Variants in STX1B observed in about 807,000 individuals in gnomAD.
STX1B encodes syntaxin 1B, also known as syntaxin-1B.
STX1B carries 7 observed loss-of-function variants against 39.4 expected under a neutral mutation model. The ratio of observed to expected loss-of-function variants is 0.18; its 90% CI spans 0.10 to 0.33. The LOEUF (loss-of-function observed/expected upper bound fraction) is 0.33, where lower values mean the gene tolerates loss of function less well. Among genes scored for constraint, STX1B ranks in the 10% least tolerant of loss-of-function variants. The pLI is 1.00. For synonymous variants in STX1B, 136 were observed against 144.1 expected (o/e 0.94, Z 0.40); for missense variants, 198 against 383.2 (o/e 0.52, Z 4.04).
intron 7 of STX1B, among the ~76,000 whole-genome samples, chr16:30,995,292 C>G (rs1282908710): frequency 6.6e-6 from 1 of 151,754 alleles, no homozygotes; most frequent in Non-Finnish European, 1.5e-5. Flanking sequence ...AATGCGTTTT[C>G]AACAAAGATC....
chr16:30,993,366 G>C lies in STX1B; in HGVS notation c.656C>G (p.Ala219Gly). 1 of 1,614,176 alleles carries C rather than the reference G, an allele frequency of 6.2e-7. No individual in the cohort carries two copies. ...RELHDMFVDM[A>G]MLVESQGEMI... is the part of the protein sequence containing the mutation. ...CAGTACCTGGCTCTCTACGAGCATG[G>C]CCATGTCCACAAACATATCGTGCAG... The change falls in exon 8 of 10, where the codon GCC becomes GGC. Residue 219 changes from alanine (A) to glycine (G), a missense_variant. Ala to Gly is a moderately conservative substitution (Grantham distance 60). Transcript: ENST00000215095.
chr16:30,999,899 G>C (rs1237964183), intron 4 of STX1B, among the ~76,000 whole-genome samples: 1 of 152,200 alleles, frequency 6.6e-6, no homozygotes, highest in African/African-American at 2.4e-5. Context: ...AAGGGGGAAA[G>C]CTGGGGTTTT....
intron 8 of STX1B, 37 bp downstream of exon 8, chr16:30,993,310 G>A: frequency 8.7e-6 from 14 of 1,613,628 alleles, no homozygotes; most frequent in Non-Finnish European, 1.2e-5. Context: ...CAGGCCCAGG[G>A]AGGCTCCCAG....
chr16:31,002,983 C>G (rs943247080), intron 1 of STX1B, among the ~76,000 whole-genome samples: 2 of 152,158 alleles, frequency 1.3e-5, no homozygotes, highest in South Asian at 2.1e-4. Flanking sequence ...GAGGCTCACA[C>G]GGATCCCAGA....
At chr16:30,994,307 A>G (rs1372856053) in intron 7 of STX1B, among the ~76,000 whole-genome samples, 4 of 141,732 alleles carry the variant, frequency 2.8e-5, no homozygotes, top group Non-Finnish European at 6.1e-5. Context: ...AAAAAAAAAG[A>G]GTCAGTAGGG....
intron 1 of STX1B, among the ~76,000 whole-genome samples, chr16:31,002,826 A>G (rs1022228532): frequency 6.6e-6 from 1 of 152,202 alleles, no homozygotes; most frequent in African/African-American, 2.4e-5. Flanking sequence ...TCCAAACCCC[A>G]GAGGCTGGGT....
chr16:31,005,901 T>A (rs2056652929), intron 1 of STX1B, among the ~76,000 whole-genome samples: 1 of 151,952 alleles, frequency 6.6e-6, no homozygotes, highest in South Asian at 2.1e-4. Flanking sequence ...GCCCCCTAAG[T>A]CCAGGTCTTC....
chr16:30,993,544 A>G, intron 7 of STX1B, 60 bp from the exon 8 acceptor site: 1 of 1,585,830 alleles, frequency 6.3e-7, no homozygotes, highest in Non-Finnish European at 8.6e-7. Context: ...CCTCCACCGC[A>G]GTGGAGTGGC....
rs1047132828 is a variant in STX1B, at chr16:30,997,756, G to A, written c.281-181C>T. Among the ~76,000 whole-genome samples, 3 of 152,190 alleles carry A rather than the reference G, an allele frequency of 2.0e-5. No individual in the cohort carries two copies. The East Asian group carries it at 5.8e-4, about 29-fold the overall frequency. ...GTTAGGAGCCAGCAGATAAACAGACGAACAGACGTTTGAGGGGGTTCCGAA... is the reference window on the plus strand; with the variant it reads ...GTTAGGAGCCAGCAGATAAACAGACAAACAGACGTTTGAGGGGGTTCCGAA... On this transcript the variant is annotated intron_variant, in intron 4 of 9. Coordinates refer to ENST00000215095, the MANE Select transcript of STX1B (RefSeq NM_052874.5).
At chr16:30,996,622 G>T in intron 7 of STX1B, 61 bp downstream of exon 7, 3 of 1,500,022 alleles carry the variant, frequency 2.0e-6, no homozygotes, top group South Asian at 1.2e-5. Context: ...AGTTCAACCT[G>T]AACTTAGGGA....
chr16:31,008,462 A>C (rs2143689151), intron 1 of STX1B, among the ~76,000 whole-genome samples: 1 of 144,578 alleles, frequency 6.9e-6, no homozygotes, highest in Admixed American at 7.0e-5. Flanking sequence ...ATTGTACCCC[A>C]ATTCCACACC....
chr16:30,997,580 G>A lies in STX1B; in HGVS notation c.281-5C>T, dbSNP rs755871777. The A allele has an allele frequency of 3.7e-6, 6 of 1,605,564 alleles. No individual in the cohort carries two copies. In the African/African-American group the frequency reaches 4.0e-5, roughly 11 times the overall value. ...GTTCAATGCTTTGCTCGATCGCTGC[G>A]GGAGAGAGGGCGCAGCGATGGGCGG... On this transcript the variant is annotated splice_region_variant and splice_polypyrimidine_tract_variant and intron_variant, in intron 4 of 9. Transcript: ENST00000215095.
chr16:31,000,831 T>A, intron 4 of STX1B, 97 bp downstream of exon 4: 12 of 1,219,306 alleles, frequency 9.8e-6, no homozygotes, highest in Non-Finnish European at 1.3e-5. Flanking sequence ...ACTCCTGGGA[T>A]TGAGCAATTG....
Position 31,001,395 on chromosome 16 carries a change from C to T in STX1B, c.105+134G>A, listed in dbSNP as rs1242769794. 13 of 668,630 alleles carry T rather than the reference C, an allele frequency of 1.9e-5. No homozygotes were observed. The highest frequency in any genetic ancestry group is 5.9e-5 in the Admixed American group (2 of 33,938). 41.4% of individuals were successfully genotyped at this position (668,630 alleles called of 1,614,324 possible). On this transcript the variant is annotated intron_variant, in intron 2 of 9. Transcript: ENST00000215095. The surrounding 1 kb of genome is among the most constrained non-coding windows in gnomAD (Gnocchi z 5.5). The stretch of plus-strand genomic sequence containing the variant: ...GCTGGGTGCCGGGGCTGCGGCTGGG[C>T]GGTGGGACTAGGGGCTGGGGCTGGG...
In STX1B at chr16:31,001,574, C is replaced by T. The variant is rs772989451; in HGVS notation, c.60G>A (p.Val20=). The T allele has an allele frequency of 6.2e-7, 1 of 1,613,458 alleles. No individual in the cohort carries two copies. The highest frequency in any genetic ancestry group is 8.5e-7 in the Non-Finnish European group (1 of 1,179,902). ...SAKDSDDEEE[V]VHVDRDHFMD... ...TGAAGTGGTCCCGATCCACGTGGAC[C>T]ACCTCCTCTTCATCATCACTGTCTT... The change falls in exon 2 of 10, where the codon GTG becomes GTA. Residue 20 remains valine (V), a synonymous_variant. Coordinates refer to ENST00000215095, the MANE Select transcript of STX1B (RefSeq NM_052874.5). This position sits in a 1 kb window ranked among gnomAD's most constrained non-coding sequence, Gnocchi z 5.5.
At chr16:30,997,416 T>C in intron 5 of STX1B, 86 bp downstream of exon 5, 1 of 852,458 alleles carries the variant, frequency 1.2e-6, no homozygotes, top group East Asian at 5.9e-5. Context: ...CCCCCGCCGG[T>C]GCTTGGCCCT....
chr16:30,994,303 AAAG>A (rs1304069675), intron 7 of STX1B, among the ~76,000 whole-genome samples: 6 of 151,624 alleles, frequency 4.0e-5, no homozygotes, highest in African/African-American at 1.2e-4. Context: ...AAAAAAAAAA[AAAG>A]AGTCAGTAGG....
intron 1 of STX1B, among the ~76,000 whole-genome samples, chr16:31,006,376 C>T (rs371020389): frequency 2.6e-4 from 39 of 152,298 alleles, no homozygotes; most frequent in African/African-American, 8.2e-4. Context: ...CTCATCCTCC[C>T]TCTGCTTCAT....
At chr16:31,004,377 G>A (rs1190197678) in intron 1 of STX1B, among the ~76,000 whole-genome samples, 1 of 152,126 alleles carries the variant, frequency 6.6e-6, no homozygotes, top group Non-Finnish European at 1.5e-5. Context: ...CTGAGGCATA[G>A]AGCTAAATAA....
Sources: gnomAD v4.1 joint callset for allele counts (sites outside exome capture counted in the v4.1 genomes callset) on GRCh38, gnomAD v4.1.1 for gene constraint, Gnocchi (gnomAD v3.1) non-coding constraint, MANE v1.5 for transcripts, NCBI Gene and HGNC (gene_info 2026-07-23, HGNC 2026-07-21) for gene names.